The following RIMS2 variants were observed in gnomAD, a reference collection of about 807,000 sequenced individuals.
RIMS2 encodes the protein regulating synaptic membrane exocytosis 2, also known as regulating synaptic membrane exocytosis protein 2.
RIMS2 carries 59 observed loss-of-function variants against 174.4 expected under a neutral mutation model. That is an observed-to-expected ratio of 0.34 (90% CI 0.27 to 0.42). The LOEUF (loss-of-function observed/expected upper bound fraction) is 0.42. Ranked by LOEUF, RIMS2 falls within the 10% of genes least tolerant of loss-of-function variation. The pLI, the probability that RIMS2 is intolerant of heterozygous loss-of-function variation, is 1.00. For missense variants in RIMS2, 1,620 were observed against 1,666.3 expected (o/e 0.97, Z 0.48); for synonymous variants, 606 against 572.5 (o/e 1.06, Z -0.84).
chr8:103,984,682 A>T (rs2023034), intron 16 of RIMS2, among the ~76,000 whole-genome samples: 34,240 of 152,236 alleles, frequency 0.22, 4,072 homozygotes, highest in Non-Finnish European at 0.24. Context: ...CATATGATCC[A>T]CTATCCCACT....
intron 1 of RIMS2, among the ~76,000 whole-genome samples, chr8:103,627,541 G>C (rs1191570283): frequency 6.6e-6 from 1 of 152,180 alleles, no homozygotes; most frequent in East Asian, 1.9e-4. Flanking sequence ...TTTATGTTCA[G>C]AGACTGCAGT....
chr8:103,625,061 C>T (rs2095746893), intron 1 of RIMS2, among the ~76,000 whole-genome samples: 1 of 152,100 alleles, frequency 6.6e-6, no homozygotes, highest in Admixed American at 6.6e-5. Flanking sequence ...TTTCTTACTT[C>T]AACTGGCTGT....
At chr8:103,791,714 G>A (rs2098501175) in intron 3 of RIMS2, among the ~76,000 whole-genome samples, 1 of 152,060 alleles carries the variant, frequency 6.6e-6, no homozygotes, top group Non-Finnish European at 1.5e-5. Context: ...CAAAATAAAG[G>A]GATGGAGGAA....
intron 12 of RIMS2, among the ~76,000 whole-genome samples, chr8:103,933,511 T>C (rs972594611): frequency 4.6e-5 from 7 of 152,104 alleles, no homozygotes; most frequent in African/African-American, 1.7e-4. Flanking sequence ...GAGTAAAAGA[T>C]GAAATGGAAG....
At chr8:103,691,427 C>T (rs2097023365) in intron 1 of RIMS2, among the ~76,000 whole-genome samples, 1 of 152,126 alleles carries the variant, frequency 6.6e-6, no homozygotes, top group African/African-American at 2.4e-5. Context: ...TCTTCAAGGT[C>T]ACTAATTCTT....
chr8:104,015,258 G>A (rs1193425868), intron 19 of RIMS2, among the ~76,000 whole-genome samples: 3 of 152,136 alleles, frequency 2.0e-5, no homozygotes, highest in Non-Finnish European at 4.4e-5. Context: ...GTAACTGGAT[G>A]TGCTTTGCAA....
intron 3 of RIMS2, among the ~76,000 whole-genome samples, chr8:103,786,814 C>T (rs888295421): frequency 1.3e-5 from 2 of 152,092 alleles, no homozygotes; most frequent in African/African-American, 2.4e-5. Context: ...GAGTTCAATT[C>T]CTGGGTATCC....
chr8:104,213,888 A>G (rs546728599), intron 19 of RIMS2, among the ~76,000 whole-genome samples: 359 of 148,176 alleles, frequency 2.4e-3, no homozygotes, highest in African/African-American at 8.0e-3. Flanking sequence ...AAAAAAAAAA[A>G]AAGAAGAAGA....
intron 4 of RIMS2, among the ~76,000 whole-genome samples, chr8:103,907,359 C>T (rs1002499281): frequency 2.0e-5 from 3 of 152,182 alleles, no homozygotes; most frequent in African/African-American, 7.2e-5. Flanking sequence ...TCCAATTGTT[C>T]TTCCTGACAT....
chr8:103,830,893 C>T (rs1473980765), intron 3 of RIMS2, among the ~76,000 whole-genome samples: 4 of 152,190 alleles, frequency 2.6e-5, no homozygotes, highest in African/African-American at 9.7e-5. Flanking sequence ...ACCACAGCCT[C>T]ATCTTCCCAT....
intron 19 of RIMS2, among the ~76,000 whole-genome samples, chr8:104,183,108 T>C (rs1050062318): frequency 1.3e-5 from 2 of 151,760 alleles, no homozygotes; most frequent in Non-Finnish European, 3.0e-5. Context: ...CTGCTCTGCC[T>C]GATAGAGTAC....
chr8:104,063,637 A>C (rs2097048150), intron 19 of RIMS2, among the ~76,000 whole-genome samples: 1 of 152,110 alleles, frequency 6.6e-6, no homozygotes, highest in Non-Finnish European at 1.5e-5. Flanking sequence ...TTTCTCCTGA[A>C]GTTTGGGGTT....
intron 19 of RIMS2, among the ~76,000 whole-genome samples, 192 bp from the exon 23 acceptor site, chr8:104,068,320 A>T (rs2097138662): frequency 6.6e-6 from 1 of 152,192 alleles, no homozygotes; most frequent in Admixed American, 6.5e-5. Flanking sequence ...TTACATATTT[A>T]ACATCATGTT....
intron 19 of RIMS2, among the ~76,000 whole-genome samples, chr8:104,183,798 T>C (rs1191691176): frequency 6.6e-6 from 1 of 151,514 alleles, no homozygotes; most frequent in Admixed American, 6.6e-5. Context: ...AACTTTAGAG[T>C]TTATTTTTAA....
At chr8:104,011,296 T>C (rs2095754628) in intron 17 of RIMS2, among the ~76,000 whole-genome samples, 1 of 152,178 alleles carries the variant, frequency 6.6e-6, no homozygotes, top group Non-Finnish European at 1.5e-5. Context: ...ATTTCTACCT[T>C]CTACTGTGGT....
intron 15 of RIMS2, among the ~76,000 whole-genome samples, chr8:103,973,648 T>C (rs2093137107): frequency 1.3e-5 from 2 of 152,174 alleles, no homozygotes; most frequent in South Asian, 4.1e-4. Context: ...CAAGTACATA[T>C]ATCTAAGACA....
intron 1 of RIMS2, among the ~76,000 whole-genome samples, chr8:103,523,575 A>T (rs1445992892): frequency 2.6e-5 from 4 of 152,188 alleles, no homozygotes. Flanking sequence ...TATTCTAATT[A>T]TACTGACAAT....
chr8:103,607,260 A>G (rs926332799), intron 1 of RIMS2, among the ~76,000 whole-genome samples: 3 of 151,912 alleles, frequency 2.0e-5, no homozygotes, highest in African/African-American at 7.3e-5. Flanking sequence ...TTCACTTATG[A>G]AGCTTAGTTT....
chr8:104,163,465 T>C (rs2098776410), intron 19 of RIMS2, among the ~76,000 whole-genome samples: 1 of 152,286 alleles, frequency 6.6e-6, no homozygotes, highest in Non-Finnish European at 1.5e-5. Flanking sequence ...TGATGAAAAG[T>C]TCCAATGATA....
Sources: gnomAD v4.1 joint callset for allele counts (sites outside exome capture counted in the v4.1 genomes callset) on GRCh38, gnomAD v4.1.1 for gene constraint, MANE v1.5 for transcripts, NCBI Gene and HGNC (gene_info 2026-07-23, HGNC 2026-07-21) for gene names.